Variants in FBXO4 observed in about 807,000 individuals in gnomAD.
The protein encoded by FBXO4 is F-box protein 4, also known as F-box only protein 4.
In FBXO4, 36 loss-of-function variants were observed where a neutral mutation model predicts 43.7. The ratio of observed to expected loss-of-function variants is 0.82; its 90% CI spans 0.63 to 1.09. The LOEUF (loss-of-function observed/expected upper bound fraction) is 1.09. Among genes scored for constraint, FBXO4 ranks in the 50% least tolerant of loss-of-function variants. The probability of loss-of-function intolerance (pLI) is 0.00; values close to 1 mark genes in which losing one functional copy is unlikely to be tolerated. For synonymous variants in FBXO4, 180 were observed against 165.6 expected, an observed-to-expected ratio of 1.09 and a Z score of -0.67; for missense variants, 435 against 474.1, an observed-to-expected ratio of 0.92 and a Z score of 0.77.
chr5:42,028,179 T>A, the FBXO4 span, among the ~76,000 whole-genome samples: 2 of 151,836 alleles, frequency 1.3e-5, no homozygotes, highest in East Asian at 3.8e-4. Context: ...TCTAATAATA[T>A]TTGCTTTATA....
chr5:41,973,783 T>C, the FBXO4 span, among the ~76,000 whole-genome samples: 1 of 152,218 alleles, frequency 6.6e-6, no homozygotes, highest in Non-Finnish European at 1.5e-5. Flanking sequence ...TTTTTACTTT[T>C]ACATAAGCTA....
At chr5:41,956,862 A>C in the FBXO4 span, among the ~76,000 whole-genome samples, 2 of 150,992 alleles carry the variant, frequency 1.3e-5, no homozygotes, top group African/African-American at 4.9e-5. Flanking sequence ...ACAGGCACAC[A>C]CCACTGCAAA....
the FBXO4 span, among the ~76,000 whole-genome samples, chr5:41,955,920 A>G: frequency 2.0e-5 from 3 of 152,318 alleles, no homozygotes; most frequent in East Asian, 1.9e-4. Flanking sequence ...TCTAGACTCA[A>G]TACTGCTCTG....
At chr5:41,971,539 C>T in the FBXO4 span, among the ~76,000 whole-genome samples, 1 of 151,792 alleles carries the variant, frequency 6.6e-6, no homozygotes, top group Admixed American at 6.6e-5. Context: ...ATTTCATATG[C>T]TAGATAATCT....
the FBXO4 span, among the ~76,000 whole-genome samples, chr5:41,976,994 G>C: frequency 3.9e-5 from 6 of 152,152 alleles, no homozygotes; most frequent in African/African-American, 1.2e-4. Flanking sequence ...AAATCTTGTG[G>C]CTTGTGACCT....
chr5:41,956,696 A>AT, the FBXO4 span, among the ~76,000 whole-genome samples: 840 of 135,794 alleles, frequency 6.2e-3, 11 homozygotes, highest in African/African-American at 0.023. Flanking sequence ...CTTGTATGTA[A>AT]TTTTTTTTTC....
intron 2 of FBXO4, 23 bp from the exon 3 acceptor site, chr5:41,929,674 C>T (rs747824742): frequency 6.5e-7 from 1 of 1,543,330 alleles, no homozygotes; most frequent in Admixed American, 2.1e-5. Flanking sequence ...TGTTAATGTT[C>T]TAATTGTGAC....
chr5:41,959,019 C>T, the FBXO4 span, among the ~76,000 whole-genome samples: 2 of 152,268 alleles, frequency 1.3e-5, no homozygotes, highest in Admixed American at 6.5e-5. Flanking sequence ...CAACCAACAA[C>T]ATACAAAAGT....
the FBXO4 span, among the ~76,000 whole-genome samples, chr5:42,014,394 T>C: frequency 6.6e-6 from 1 of 152,196 alleles, no homozygotes; most frequent in Non-Finnish European, 1.5e-5. Context: ...ACATTGAATA[T>C]GCTTTAGGAA....
chr5:41,965,909 A>G, the FBXO4 span, among the ~76,000 whole-genome samples: 1 of 152,228 alleles, frequency 6.6e-6, no homozygotes, highest in Admixed American at 6.5e-5. Context: ...CAAATGTCCA[A>G]CCATGATAGT....
At chr5:41,999,481 A>ATATATATATGTG in the FBXO4 span, among the ~76,000 whole-genome samples, 51 of 10,398 alleles carry the variant, frequency 4.9e-3, 1 homozygote, top group African/African-American at 9.5e-3. Context: ...ATATATACAC[A>ATATATATATGTG]TATATATATA....
the FBXO4 span, chr5:41,968,111 C>T: frequency 6.0e-6 from 2 of 335,140 alleles, no homozygotes; most frequent in Admixed American, 7.9e-5. Context: ...AAGAACCCCA[C>T]TGCTTCATCC....
At position 41,941,347 on chromosome 5, in the gene FBXO4, T is replaced by C; in HGVS notation, c.*66T>C. The C allele has an allele frequency of 1.4e-6, 2 of 1,426,282 alleles. No homozygotes were observed. The highest frequency in any genetic ancestry group is 2.3e-5 in the South Asian group (2 of 86,200). 88.4% of individuals were successfully genotyped at this position (1,426,282 alleles called of 1,614,324 possible). On this transcript the variant is annotated 3_prime_UTR_variant, in exon 7 of 7. Transcript: ENST00000281623. Reference sequence around the variant, plus strand: ...TATTACTAAGGTCGTGATGTGAATATTTGCTCAGTCAGCCCACCTTGTCCT... The same window carrying C: ...TATTACTAAGGTCGTGATGTGAATACTTGCTCAGTCAGCCCACCTTGTCCT...
chr5:41,929,933 AT>A lies in FBXO4; in HGVS notation c.646+17del. 6.4e-7 allele frequency: 1 copy of A among 1,552,364 alleles called. No homozygotes were observed. Among genetic ancestry groups the A allele is most frequent in the Non-Finnish European group, 8.8e-7 (1 of 1,133,706 alleles). ...CAGATTGATGGTAATTTTCATGTTA[AT>A]CTACAGTTAATTCAAACACTTTGAG... On this transcript the variant is annotated intron_variant, in intron 3 of 6. Coordinates refer to ENST00000281623, the MANE Select transcript of FBXO4 (RefSeq NM_012176.3).
chr5:41,933,116 A>G (rs532114768), intron 3 of FBXO4, among the ~76,000 whole-genome samples: 2 of 152,342 alleles, frequency 1.3e-5, no homozygotes, highest in African/African-American at 4.8e-5. Context: ...ATACATGGCT[A>G]TAAGTGAGAA....
At chr5:41,978,515 G>A in the FBXO4 span, among the ~76,000 whole-genome samples, 1 of 152,038 alleles carries the variant, frequency 6.6e-6, no homozygotes, top group African/African-American at 2.4e-5. Context: ...TTTGGTAAGT[G>A]GTTTTTTTAG....
the FBXO4 span, among the ~76,000 whole-genome samples, chr5:42,033,347 A>G: frequency 6.6e-6 from 1 of 152,064 alleles, no homozygotes; most frequent in Non-Finnish European, 1.5e-5. Context: ...GTCCACTTAG[A>G]CACACAGAAC....
At chr5:42,023,751 G>C in the FBXO4 span, among the ~76,000 whole-genome samples, 148 of 151,980 alleles carry the variant, frequency 9.7e-4, no homozygotes, top group African/African-American at 3.5e-3. Context: ...TAAATAGCCA[G>C]AAAATATTCA....
chr5:42,012,401 G>C, the FBXO4 span, among the ~76,000 whole-genome samples: 1 of 151,996 alleles, frequency 6.6e-6, no homozygotes, highest in Non-Finnish European at 1.5e-5. Context: ...TGGGTGATTG[G>C]GTGCCCAGGC....
Sources: gnomAD v4.1 joint callset for allele counts (sites outside exome capture counted in the v4.1 genomes callset) on GRCh38, gnomAD v4.1.1 for gene constraint, MANE v1.5 for transcripts, NCBI Gene and HGNC (gene_info 2026-07-23, HGNC 2026-07-21) for gene names.